CSMD1: variants seen among roughly 807,000 people sequenced by gnomAD.
The protein encoded by CSMD1 is CUB and Sushi multiple domains 1, also known as CUB and sushi domain-containing protein 1.
In CSMD1, 213 loss-of-function variants were observed where a neutral mutation model predicts 417.5. The observed-to-expected ratio is 0.51, with a 90% confidence interval of 0.46 to 0.57. The LOEUF (loss-of-function observed/expected upper bound fraction) is 0.57. CSMD1 is among the 20% of genes least tolerant of loss of function. CSMD1 has a pLI of 0.00. For synonymous variants in CSMD1, 2,862 were observed against 1,736.8 expected, an observed-to-expected ratio of 1.65 and a Z score of -16.11; for missense variants, 6,923 against 4,529.7, an observed-to-expected ratio of 1.53 and a Z score of -15.17.
intron 18 of CSMD1, among the ~76,000 whole-genome samples, chr8:3,383,494 C>T (rs769571749): frequency 6.6e-6 from 1 of 151,936 alleles, no homozygotes; most frequent in Non-Finnish European, 1.5e-5. Flanking sequence ...TTCTTCCACA[C>T]TAGGAAAACC....
intron 5 of CSMD1, among the ~76,000 whole-genome samples, chr8:3,918,534 T>C (rs539107296): frequency 2.0e-5 from 3 of 152,288 alleles, no homozygotes; most frequent in South Asian, 2.1e-4. Flanking sequence ...TTTTAATTTT[T>C]AATTTGTTTT....
intron 1 of CSMD1, among the ~76,000 whole-genome samples, chr8:4,645,474 C>G: frequency 1.8e-5 from 1 of 55,212 alleles, no homozygotes; most frequent in Non-Finnish European, 3.7e-5. Context: ...AAAAGGCAAG[C>G]AAAGCACTGG....
At chr8:4,958,960 G>C (rs971187054) in intron 1 of CSMD1, among the ~76,000 whole-genome samples, 1 of 152,034 alleles carries the variant, frequency 6.6e-6, no homozygotes, top group Admixed American at 6.6e-5. Context: ...GGTCTTGTGA[G>C]AATTACAAAA....
rs112046265 is a variant in CSMD1 at position 3,833,362 on chromosome 8, A to T, written c.819-79320T>A. ...TCTGGGCCATTTTATATACAACGGC[A>T]TTTCCTCACCTCCTAAAATAATTTA... On this transcript the variant is annotated intron_variant, in intron 5 of 69. Transcript: ENST00000635120. Among the ~76,000 whole-genome samples, 171 of 152,228 alleles carry T rather than the reference A, an allele frequency of 1.1e-3. 1 individual carries two copies. The highest frequency in any genetic ancestry group is 3.9e-3 in the African/African-American group (163 of 41,562).
At chr8:3,609,464 G>A (rs1316330288) in intron 8 of CSMD1, among the ~76,000 whole-genome samples, 2 of 152,056 alleles carry the variant, frequency 1.3e-5, no homozygotes, top group Non-Finnish European at 1.5e-5. Context: ...TGTATTTTAT[G>A]CTTTATTTTC....
intron 1 of CSMD1, among the ~76,000 whole-genome samples, chr8:4,705,075 T>C (rs1584970756): frequency 6.6e-6 from 1 of 152,154 alleles, no homozygotes; most frequent in African/African-American, 2.4e-5. Context: ...TCTCATCAGA[T>C]ATGATGGTTT....
chr8:3,807,064 A>T (rs78854306), intron 5 of CSMD1, among the ~76,000 whole-genome samples: 195 of 152,238 alleles, frequency 1.3e-3, no homozygotes, highest in African/African-American at 4.3e-3. Context: ...TAGCTTAATT[A>T]TTACTATCCA....
intron 3 of CSMD1, among the ~76,000 whole-genome samples, chr8:4,412,673 G>A (rs1226898286): frequency 1.3e-5 from 2 of 152,072 alleles, no homozygotes; most frequent in African/African-American, 2.4e-5. Flanking sequence ...AGATTTTCAG[G>A]GTTAAATGTA....
chr8:3,617,540 G>T (rs936644086), intron 7 of CSMD1, among the ~76,000 whole-genome samples: 2 of 152,130 alleles, frequency 1.3e-5, no homozygotes, highest in Non-Finnish European at 2.9e-5. Context: ...GATGTGAGGG[G>T]AAGTCCACAG....
At chr8:4,207,532 T>C (rs1800052030) in intron 3 of CSMD1, among the ~76,000 whole-genome samples, 1 of 152,178 alleles carries the variant, frequency 6.6e-6, no homozygotes, top group Non-Finnish European at 1.5e-5. Flanking sequence ...AGTTTTAGTT[T>C]CAAATGTCCA....
At chr8:4,757,930 A>C (rs1172927581) in intron 1 of CSMD1, among the ~76,000 whole-genome samples, 1 of 148,276 alleles carries the variant, frequency 6.7e-6, no homozygotes, top group Admixed American at 6.9e-5. Flanking sequence ...CCTGCACTCC[A>C]TCCTGGGCAA....
chr8:3,913,810 G>C (rs992251432), intron 5 of CSMD1, among the ~76,000 whole-genome samples: 2 of 152,132 alleles, frequency 1.3e-5, no homozygotes, highest in African/African-American at 4.8e-5. Flanking sequence ...CAGAGTACTA[G>C]AGTATTAGAA....
At chr8:4,024,252 G>A (rs545292451) in intron 4 of CSMD1, among the ~76,000 whole-genome samples, 2 of 152,244 alleles carry the variant, frequency 1.3e-5, no homozygotes, top group South Asian at 4.1e-4. Flanking sequence ...ATATCAAGGT[G>A]TCAATTGAGA....
intron 4 of CSMD1, among the ~76,000 whole-genome samples, chr8:4,006,914 G>A (rs1563311039): frequency 2.3e-5 from 3 of 132,610 alleles, no homozygotes; most frequent in South Asian, 5.2e-4. Context: ...TGCAAGCTCC[G>A]CCTCCTGGGT....
intron 1 of CSMD1, among the ~76,000 whole-genome samples, chr8:4,647,735 G>C (rs1803626493): frequency 1.3e-5 from 2 of 152,138 alleles, no homozygotes; most frequent in South Asian, 2.1e-4. Flanking sequence ...CCCTGCAAAG[G>C]ACATGATCTC....
intron 6 of CSMD1, among the ~76,000 whole-genome samples, chr8:3,743,519 G>A (rs941218554): frequency 1.3e-5 from 2 of 152,170 alleles, no homozygotes; most frequent in Non-Finnish European, 1.5e-5. Context: ...ATAATGGAAA[G>A]AAACAAGGGT....
intron 3 of CSMD1, among the ~76,000 whole-genome samples, chr8:4,298,442 T>C (rs895500115): frequency 6.6e-6 from 1 of 152,126 alleles, no homozygotes; most frequent in Non-Finnish European, 1.5e-5. Flanking sequence ...TTGTGAATAA[T>C]TCCCTATACA....
intron 1 of CSMD1, among the ~76,000 whole-genome samples, chr8:4,828,670 G>T (rs904546212): frequency 6.6e-6 from 1 of 152,020 alleles, no homozygotes; most frequent in Non-Finnish European, 1.5e-5. Context: ...AATATACATT[G>T]ACCAGAGCCC....
At chr8:4,147,275 C>T (rs1169919801) in intron 3 of CSMD1, among the ~76,000 whole-genome samples, 4 of 152,120 alleles carry the variant, frequency 2.6e-5, no homozygotes, top group African/African-American at 7.2e-5. Context: ...TCCTCACCTG[C>T]GTAATTCCAT....
Sources: allele counts gnomAD v4.1 joint callset (sites outside exome capture counted in the v4.1 genomes callset), GRCh38; gene constraint gnomAD v4.1.1; transcripts MANE v1.5; gene names NCBI Gene and HGNC (gene_info 2026-07-23, HGNC 2026-07-21).